PSD3: variants seen among roughly 807,000 people sequenced by gnomAD.
The protein encoded by PSD3 is PH and SEC7 domain-containing protein 3.
A neutral mutation model predicts 105.5 loss-of-function variants in PSD3; 49 were observed. The observed-to-expected ratio is 0.46, with a 90% CI of 0.37 to 0.59. The LOEUF (loss-of-function observed/expected upper bound fraction) is 0.59. Ranked by LOEUF, PSD3 falls within the 20% of genes least tolerant of loss-of-function variation. The pLI, the probability that PSD3 is intolerant of heterozygous loss-of-function variation, is 0.00. For synonymous variants in PSD3, 557 were observed against 457.8 expected (o/e 1.22, Z -2.77); for missense variants, 1,561 against 1,263.8 (o/e 1.24, Z -3.57).
intron 1 of PSD3, chr8:19,000,850 T>C (rs1317141016): frequency 6.6e-6 from 1 of 151,922 alleles, no homozygotes; most frequent in Non-Finnish European, 1.5e-5. Context: ...TAACAGCCTA[T>C]GGGGTTTAAC....
At chr8:18,788,659 C>A (rs938670972) in intron 8 of PSD3, among the ~76,000 whole-genome samples, 1 of 152,102 alleles carries the variant, frequency 6.6e-6, no homozygotes, top group Non-Finnish European at 1.5e-5. Context: ...AAACTAAAAG[C>A]CCTCATCATC....
At chr8:18,748,167 T>C (rs1362870591) in intron 9 of PSD3, among the ~76,000 whole-genome samples, 3 of 150,626 alleles carry the variant, frequency 2.0e-5, no homozygotes, top group Non-Finnish European at 4.4e-5. Context: ...AGCCCTTATG[T>C]ATACACACTT....
At chr8:18,583,865 C>A (rs569084793) in intron 12 of PSD3, among the ~76,000 whole-genome samples, 1 of 152,112 alleles carries the variant, frequency 6.6e-6, no homozygotes. Flanking sequence ...AATCATATCT[C>A]TAGTATACAA....
intron 9 of PSD3, among the ~76,000 whole-genome samples, chr8:18,670,428 T>A (rs1289868503): frequency 6.6e-6 from 1 of 152,158 alleles, no homozygotes. Flanking sequence ...GCTCCGCTTC[T>A]GTGTGGAGAA....
At chr8:18,644,597 G>A (rs995885534) in intron 10 of PSD3, among the ~76,000 whole-genome samples, 7 of 152,144 alleles carry the variant, frequency 4.6e-5, no homozygotes, top group African/African-American at 1.7e-4. Flanking sequence ...TGTCTAAGAA[G>A]TCCCAGATGG....
intron 10 of PSD3, among the ~76,000 whole-genome samples, chr8:18,648,099 A>T (rs1016518328): frequency 4.0e-5 from 6 of 149,860 alleles, no homozygotes; most frequent in African/African-American, 1.5e-4. Flanking sequence ...CGAATTCAGA[A>T]AAATGGGTCC....
chr8:18,925,431 T>C (rs1021263657), intron 2 of PSD3, among the ~76,000 whole-genome samples: 1 of 151,850 alleles, frequency 6.6e-6, no homozygotes, highest in Non-Finnish European at 1.5e-5. Flanking sequence ...ATACATATAA[T>C]AAAAATTCTC....
intron 8 of PSD3, among the ~76,000 whole-genome samples, chr8:18,769,318 A>G (rs1807290728): frequency 6.6e-6 from 1 of 152,190 alleles, no homozygotes; most frequent in Non-Finnish European, 1.5e-5. Context: ...GCAAAATTCA[A>G]CTGCTTGTAA....
chr8:18,866,232 C>A (rs1326843792), intron 4 of PSD3, among the ~76,000 whole-genome samples: 1 of 152,168 alleles, frequency 6.6e-6, no homozygotes, highest in East Asian at 1.9e-4. Context: ...AAGGTGGCAC[C>A]CTCCACTGAG....
At chr8:18,612,606 G>A (rs1029100026) in intron 11 of PSD3, among the ~76,000 whole-genome samples, 1 of 152,008 alleles carries the variant, frequency 6.6e-6, no homozygotes, top group Non-Finnish European at 1.5e-5. Context: ...TCCTGACCTC[G>A]TGATCCGCCT....
intron 4 of PSD3, chr8:18,808,799 G>T: frequency 1.2e-6 from 2 of 1,613,860 alleles, no homozygotes; most frequent in South Asian, 1.1e-5. Flanking sequence ...CAACCCCTGG[G>T]GTGCGCCTGG....
chr8:18,729,222 C>T (rs10090564), intron 9 of PSD3, among the ~76,000 whole-genome samples: 6,012 of 152,258 alleles, frequency 0.039, 281 homozygotes, highest in East Asian at 0.24. Context: ...CTGAACCACA[C>T]GTCCCCCACA....
chr8:18,893,642 T>TCCAGGC (rs199920475), intron 2 of PSD3, among the ~76,000 whole-genome samples: 2,166 of 152,050 alleles, frequency 0.014, 83 homozygotes, highest in Admixed American at 0.09. Context: ...GGATCGGAAC[T>TCCAGGC]CCAGGCCCAG....
At chr8:18,567,029 G>A (rs2130273699) in intron 14 of PSD3, among the ~76,000 whole-genome samples, 1 of 152,266 alleles carries the variant, frequency 6.6e-6, no homozygotes, top group East Asian at 1.9e-4. Context: ...ATTTTTTAAA[G>A]TATAAAGTAA....
At chr8:18,941,264 C>T (rs1427803842) in intron 1 of PSD3, among the ~76,000 whole-genome samples, 1 of 152,154 alleles carries the variant, frequency 6.6e-6, no homozygotes, top group East Asian at 1.9e-4. Context: ...ACTTAAATCT[C>T]GGCTCGATAG....
At chr8:19,080,949 C>T (rs954600519) in intron 1 of PSD3, among the ~76,000 whole-genome samples, 5 of 152,042 alleles carry the variant, frequency 3.3e-5, no homozygotes, top group South Asian at 2.1e-4. Context: ...GGAAATGTCC[C>T]GAAACGATGA....
chr8:18,758,820 A>C (rs1806271594), intron 9 of PSD3, among the ~76,000 whole-genome samples: 1 of 152,138 alleles, frequency 6.6e-6, no homozygotes, highest in Non-Finnish European at 1.5e-5. Context: ...TCAGCTGACA[A>C]GATAGGTTAA....
chr8:18,822,591 C>G (rs1440307198), intron 4 of PSD3, among the ~76,000 whole-genome samples: 2 of 152,228 alleles, frequency 1.3e-5, no homozygotes, highest in Non-Finnish European at 2.9e-5. Context: ...CAATATCTCC[C>G]TAGCGACAGT....
chr8:19,060,744 G>A (rs1415763261), intron 1 of PSD3, among the ~76,000 whole-genome samples: 2 of 152,202 alleles, frequency 1.3e-5, no homozygotes, highest in African/African-American at 4.8e-5. Context: ...GTTTTCCACT[G>A]ACAGGATGGA....
Sources: allele counts gnomAD v4.1 joint callset (sites outside exome capture counted in the v4.1 genomes callset), GRCh38; gene constraint gnomAD v4.1.1; transcripts MANE v1.5; gene names NCBI Gene and HGNC (gene_info 2026-07-23, HGNC 2026-07-21).